DCDC2: variants seen among roughly 807,000 people sequenced by gnomAD.
DCDC2 encodes the protein doublecortin domain-containing protein 2.
A neutral mutation model predicts 50.2 loss-of-function variants in DCDC2; 40 were observed. The observed-to-expected ratio is 0.80, with a 90% CI of 0.62 to 1.04. The LOEUF is 1.04. DCDC2 is among the 50% of genes least tolerant of loss of function. The pLI is 0.00. For missense variants in DCDC2, 570 were observed against 581.9 expected, an observed-to-expected ratio of 0.98 and a Z score of 0.21; for synonymous variants, 234 against 210.6, an observed-to-expected ratio of 1.11 and a Z score of -0.96.
chr6:24,225,408 TACACAC>T (rs149354141), intron 7 of DCDC2, among the ~76,000 whole-genome samples: 1 of 151,366 alleles, frequency 6.6e-6, no homozygotes, highest in East Asian at 1.9e-4. Flanking sequence ...TTAAACTTGA[TACACAC>T]ACACACACAC....
Position 24,226,604 on chromosome 6 carries a change from C to T in DCDC2, c.923-21502G>A, listed in dbSNP as rs116355423. On this transcript the variant is annotated intron_variant, in intron 7 of 9. Coordinates refer to ENST00000378454, the MANE Select transcript of DCDC2 (RefSeq NM_016356.5). ...TGTGTTTCAGAACAATAATTTGTGA[C>T]AGTGTCAAGAATAAATTAAAGGAGA... Among the ~76,000 whole-genome samples, 1,190 of 152,300 alleles carry T rather than the reference C, an allele frequency of 7.8e-3. 12 individuals are homozygous for T. The highest frequency in any genetic ancestry group is 0.026 in the African/African-American group (1,078 of 41,548).
chr6:24,341,162 A>C (rs1352378109), intron 2 of DCDC2, among the ~76,000 whole-genome samples: 1 of 152,230 alleles, frequency 6.6e-6, no homozygotes, highest in Non-Finnish European at 1.5e-5. Flanking sequence ...AAAAAATACA[A>C]AGCAGCAGAG....
intron 7 of DCDC2, among the ~76,000 whole-genome samples, chr6:24,255,372 A>AG (rs554251800): frequency 7.5e-5 from 6 of 80,006 alleles, no homozygotes; most frequent in Admixed American, 6.6e-4. Context: ...ATAGCACTGA[A>AG]AAAAAAAAAA....
intron 7 of DCDC2, among the ~76,000 whole-genome samples, chr6:24,207,256 T>TTCTCTC (rs60603298): frequency 0.13 from 16,553 of 129,370 alleles, 1,082 homozygotes; most frequent in East Asian, 0.31. Context: ...CCATCTATCT[T>TTCTCTC]TCTCTCTCTC....
chr6:24,234,587 A>G lies in DCDC2; in HGVS notation c.923-29485T>C, dbSNP rs1393327608. 2.6e-5 allele frequency among the ~76,000 whole-genome samples: 4 copies of G among 152,358 alleles called. No individual in the cohort carries two copies. In the East Asian group the frequency reaches 7.7e-4, roughly 29 times the overall value. ...GGGTGGCGGTAGAGAGGTGGAAATC[A>G]GAGAAGTTTCCAAATATTTAGTAAG... is the stretch of plus-strand genomic sequence containing the variant. On this transcript the variant is annotated intron_variant, in intron 7 of 9. Coordinates refer to ENST00000378454, the MANE Select transcript of DCDC2 (RefSeq NM_016356.5).
chr6:24,376,096 C>T, the DCDC2 span, among the ~76,000 whole-genome samples: 1 of 152,138 alleles, frequency 6.6e-6, no homozygotes, highest in East Asian at 1.9e-4. Flanking sequence ...TAAAATTGGT[C>T]CCAGTCACAA....
chr6:24,235,912 G>C (rs1728800890), intron 7 of DCDC2, among the ~76,000 whole-genome samples: 1 of 152,092 alleles, frequency 6.6e-6, no homozygotes, highest in African/African-American at 2.4e-5. Context: ...GAAGGTGAAA[G>C]ATTTCTACAA....
intron 7 of DCDC2, among the ~76,000 whole-genome samples, chr6:24,217,823 C>G (rs957559051): frequency 2.6e-5 from 4 of 152,166 alleles, no homozygotes. Context: ...GATATAATAA[C>G]TTTAACTGGT....
At position 24,223,290 on chromosome 6, in the gene DCDC2, T is replaced by C. The variant is rs191805069; in HGVS notation, c.923-18188A>G. 4.3e-3 allele frequency among the ~76,000 whole-genome samples: 652 copies of C among 152,348 alleles called. 3 individuals are homozygous for C. Among genetic ancestry groups the C allele is most frequent in the Non-Finnish European group, 7.8e-3 (531 of 68,028 alleles). On this transcript the variant is annotated intron_variant, in intron 7 of 9. Coordinates refer to ENST00000378454, the MANE Select transcript of DCDC2 (RefSeq NM_016356.5). Reference sequence around the variant, plus strand: ...AGCTGCACATTTTAGAACTAGATGATGAAACCACGTGCAATTTTATGGTGT... The same window carrying C: ...AGCTGCACATTTTAGAACTAGATGACGAAACCACGTGCAATTTTATGGTGT...
chr6:24,176,861 T>C (rs772848072), intron 9 of DCDC2, among the ~76,000 whole-genome samples: 9 of 152,232 alleles, frequency 5.9e-5, no homozygotes, highest in Non-Finnish European at 1.2e-4. Flanking sequence ...GATCATATGG[T>C]ATGTGTCTTT....
upstream of DCDC2, among the ~76,000 whole-genome samples, chr6:24,358,795 TA>T (rs1408360365): frequency 2.9e-5 from 2 of 68,828 alleles, no homozygotes; most frequent in African/African-American, 5.6e-5. Context: ...ATAAAATATA[TA>T]TTTTATATAT....
At chr6:24,306,833 A>G (rs368271235) in intron 2 of DCDC2, among the ~76,000 whole-genome samples, 1 of 152,236 alleles carries the variant, frequency 6.6e-6, no homozygotes, top group Non-Finnish European at 1.5e-5. Flanking sequence ...CACAAATTCC[A>G]TAACAGTAGG....
At chr6:24,379,226 A>G in the DCDC2 span, among the ~76,000 whole-genome samples, 4 of 152,246 alleles carry the variant, frequency 2.6e-5, no homozygotes, top group Admixed American at 2.6e-4. Context: ...GCACAGCAAA[A>G]GAAGCTATCA....
chr6:24,356,341 A>G (rs976980777), intron 1 of DCDC2, among the ~76,000 whole-genome samples: 9 of 152,344 alleles, frequency 5.9e-5, no homozygotes, highest in Middle Eastern at 3.4e-3. Context: ...CATTTATATG[A>G]TATGTCCAGA....
At chr6:24,345,279 A>G (rs1760234457) in intron 2 of DCDC2, among the ~76,000 whole-genome samples, 1 of 152,190 alleles carries the variant, frequency 6.6e-6, no homozygotes, top group Non-Finnish European at 1.5e-5. Flanking sequence ...TCCCAACCAA[A>G]GCCTTTAAGT....
chr6:24,261,278 C>G lies in DCDC2; in HGVS notation c.922+16771G>C, dbSNP rs139699281. ...TTGTTTCTGATCTGAGATGTCAGTGCTTTTTTTTGTTGCTACTAATGTTAT... is the reference window on the plus strand; with the variant it reads ...TTGTTTCTGATCTGAGATGTCAGTGGTTTTTTTTGTTGCTACTAATGTTAT... On this transcript the variant is annotated intron_variant, in intron 7 of 9. Coordinates refer to ENST00000378454, the MANE Select transcript of DCDC2 (RefSeq NM_016356.5). Among the ~76,000 whole-genome samples the G allele has an allele frequency of 1.5e-4, 22 of 145,500 alleles. No homozygotes were observed. The East Asian group carries it at 3.5e-3, about 23-fold the overall frequency.
chr6:24,338,091 T>C (rs937860912), intron 2 of DCDC2, among the ~76,000 whole-genome samples: 3 of 152,212 alleles, frequency 2.0e-5, no homozygotes, highest in Non-Finnish European at 1.5e-5. Flanking sequence ...TTGAGAAACA[T>C]GTTTTCATTA....
intron 7 of DCDC2, among the ~76,000 whole-genome samples, chr6:24,262,617 G>A (rs1246562121): frequency 6.6e-6 from 1 of 152,170 alleles, no homozygotes; most frequent in African/African-American, 2.4e-5. Flanking sequence ...TCTGCTACAG[G>A]AGAGGAGGAG....
intron 7 of DCDC2, among the ~76,000 whole-genome samples, chr6:24,225,555 A>G (rs1291680209): frequency 2.0e-5 from 3 of 152,208 alleles, no homozygotes; most frequent in Non-Finnish European, 4.4e-5. Context: ...CAATGTACTA[A>G]CCATCTCCCC....
Sources: allele counts gnomAD v4.1 joint callset (sites outside exome capture counted in the v4.1 genomes callset), GRCh38; gene constraint gnomAD v4.1.1; transcripts MANE v1.5; gene names NCBI Gene and HGNC (gene_info 2026-07-23, HGNC 2026-07-21).